Variants in CLTC observed in about 807,000 individuals in gnomAD.
CLTC encodes the protein clathrin heavy chain.
Under a neutral mutation model 195.8 loss-of-function variants are expected in CLTC, and 16 were observed. That is an observed-to-expected ratio of 0.08 (90% CI 0.06 to 0.12). The LOEUF is 0.12. Among genes scored for constraint, CLTC ranks in the 10% least tolerant of loss-of-function variants. The pLI, the probability that CLTC is intolerant of heterozygous loss-of-function variation, is 1.00. For missense variants in CLTC, 796 were observed against 2,027.0 expected (o/e 0.39, Z 11.66); for synonymous variants, 667 against 689.4 (o/e 0.97, Z 0.51).
chr17:59,627,082 G>A (rs1444247796), intron 1 of CLTC, among the ~76,000 whole-genome samples: 2 of 149,162 alleles, frequency 1.3e-5, no homozygotes, highest in East Asian at 4.0e-4. Context: ...TATTTTTTTT[G>A]TAGAGTCGGG....
At chr17:59,638,586 A>T (rs1360705898) in intron 1 of CLTC, among the ~76,000 whole-genome samples, 1 of 152,090 alleles carries the variant, frequency 6.6e-6, no homozygotes, top group Non-Finnish European at 1.5e-5. Flanking sequence ...ATGGTCTCAG[A>T]TGAAATTGTT....
chr17:59,630,714 T>TTA (rs1219874790), intron 1 of CLTC, among the ~76,000 whole-genome samples: 2 of 152,270 alleles, frequency 1.3e-5, no homozygotes, highest in African/African-American at 4.8e-5. Flanking sequence ...AGCATCCATG[T>TTA]TATAGCATAT....
chr17:59,625,233 C>T (rs549980799), intron 1 of CLTC, among the ~76,000 whole-genome samples: 8 of 151,956 alleles, frequency 5.3e-5, no homozygotes, highest in African/African-American at 9.7e-5. Flanking sequence ...CTCTGCCTCC[C>T]GAGTCGCTGG....
chr17:59,679,853 G>A (rs940661406), intron 18 of CLTC, among the ~76,000 whole-genome samples: 1 of 152,036 alleles, frequency 6.6e-6, no homozygotes, highest in African/African-American at 2.4e-5. Flanking sequence ...TGGATCACCT[G>A]AAGTCAGGAG....
intron 1 of CLTC, among the ~76,000 whole-genome samples, chr17:59,641,774 G>A (rs1008091952): frequency 2.0e-5 from 3 of 152,064 alleles, no homozygotes; most frequent in Non-Finnish European, 4.4e-5. Flanking sequence ...TATGTTTAAT[G>A]AGAAAGTAAT....
rs918508063 is a variant in CLTC, at chr17:59,690,850, T to C, written c.4903+139T>C. ...AATACTGCTCTCTACTGTCTGATTT[T>C]TTTTCTGAGAAGTCATAAAGCAGGT... On this transcript the variant is annotated intron_variant, in intron 31 of 31. Transcript: ENST00000269122. The C allele has an allele frequency of 5.6e-6, 3 of 537,104 alleles. No individual in the cohort carries two copies. The Admixed American group carries it at 1.1e-4, about 20-fold the overall frequency. The allele number at this position is 537,104 out of a possible 1,614,324, so 33.3% of individuals were successfully genotyped here. A position where few individuals can be genotyped will look rare whatever the true frequency, so the allele number is the denominator to read the frequency against.
intron 17 of CLTC, among the ~76,000 whole-genome samples, chr17:59,678,978 T>C (rs2033025439): frequency 6.6e-6 from 1 of 152,166 alleles, no homozygotes. Context: ...CTCTCCAACC[T>C]TGACAACAGA....
chr17:59,658,775 C>T (rs2032538276), intron 6 of CLTC: 1 of 152,178 alleles, frequency 6.6e-6, no homozygotes, highest in Non-Finnish European at 1.5e-5. Flanking sequence ...AACGATAAAA[C>T]TGTGGATTCA....
chr17:59,689,950 G>A (rs2033261719), intron 30 of CLTC: 1 of 152,188 alleles, frequency 6.6e-6, no homozygotes, highest in South Asian at 2.1e-4. Flanking sequence ...ACTTCTGTCT[G>A]ATACTATCCA....
chr17:59,693,932 A>G lies in CLTC; in HGVS notation c.*80A>G. 1 of 1,397,604 alleles carries G rather than the reference A, an allele frequency of 7.2e-7. No homozygotes were observed. The highest frequency in any genetic ancestry group is 9.5e-7 in the Non-Finnish European group (1 of 1,054,922). 86.6% of individuals were successfully genotyped at this position (1,397,604 alleles called of 1,614,324 possible). On this transcript the variant is annotated 3_prime_UTR_variant, in exon 32 of 32. Coordinates refer to ENST00000269122, the MANE Select transcript of CLTC (RefSeq NM_004859.4). ...CCACTTCTCAGTTTATAATGGGGGAAAACAGGCAACGTGTTCTTGTAACCT... is the reference window on the plus strand; with the variant it reads ...CCACTTCTCAGTTTATAATGGGGGAGAACAGGCAACGTGTTCTTGTAACCT...
intron 1 of CLTC, among the ~76,000 whole-genome samples, chr17:59,643,501 TC>T (rs2032103451): frequency 6.6e-6 from 1 of 152,178 alleles, no homozygotes; most frequent in African/African-American, 2.4e-5. Context: ...CTTAAGTAGC[TC>T]CCTTCGCCTG....
chr17:59,628,669 C>T (rs1378824644), intron 1 of CLTC, among the ~76,000 whole-genome samples: 1 of 152,038 alleles, frequency 6.6e-6, no homozygotes, highest in Non-Finnish European at 1.5e-5. Context: ...GACGAAAAAA[C>T]GAGAATTGGA....
At chr17:59,690,259 T>G (rs2033267724) in intron 30 of CLTC, 1 of 166,072 alleles carries the variant, frequency 6.0e-6, no homozygotes, top group South Asian at 1.9e-4. Flanking sequence ...TGAATACCAT[T>G]TGCTTTGGGG....
At chr17:59,655,250 G>C (rs2032436923) in intron 5 of CLTC, among the ~76,000 whole-genome samples, 1 of 152,184 alleles carries the variant, frequency 6.6e-6, no homozygotes, top group African/African-American at 2.4e-5. Context: ...TCAGGTAATA[G>C]GGAGGCCTGA....
chr17:59,666,042 AT>A lies in CLTC; in HGVS notation c.1645-57del. Reference sequence around the variant, plus strand: ...CAGGTAAAGAAAGAGTTCATGCATAATTTTGTCTACATACTCTCCATAGTAT... The same window carrying A: ...CAGGTAAAGAAAGAGTTCATGCATAATTTGTCTACATACTCTCCATAGTAT... On this transcript the variant is annotated intron_variant, in intron 10 of 31. Coordinates refer to ENST00000269122, the MANE Select transcript of CLTC (RefSeq NM_004859.4). This position sits in a 1 kb window ranked among gnomAD's most constrained non-coding sequence, Gnocchi z 4.9. 1.6e-6 allele frequency: 2 copies of A among 1,277,794 alleles called. No homozygotes were observed. Among genetic ancestry groups the A allele is most frequent in the Non-Finnish European group, 2.2e-6 (2 of 910,314 alleles). 79.2% of individuals were successfully genotyped at this position (1,277,794 alleles called of 1,614,324 possible).
At chr17:59,672,068 A>C (rs1411017038) in intron 14 of CLTC, among the ~76,000 whole-genome samples, 1 of 152,194 alleles carries the variant, frequency 6.6e-6, no homozygotes, top group African/African-American at 2.4e-5. Flanking sequence ...TTAAATGAAC[A>C]AATTTATGTT....
At chr17:59,623,556 G>A (rs1247601858) in intron 1 of CLTC, among the ~76,000 whole-genome samples, 1 of 152,158 alleles carries the variant, frequency 6.6e-6, no homozygotes, top group Admixed American at 6.5e-5. Context: ...AGGAACCATG[G>A]TAGTTGCTCT....
rs576541975 is a variant in CLTC, at chr17:59,666,465, T to C, written c.1783-15T>C. The C allele has an allele frequency of 1.4e-5, 22 of 1,609,360 alleles. No individual in the cohort carries two copies. The South Asian group carries it at 2.3e-4, about 17-fold the overall frequency. ...TGGAGTGGACAATAAACTTGCCTTG[T>C]TTGTGGTTTTACAGGTTGCAGATGC... On this transcript the variant is annotated splice_polypyrimidine_tract_variant and intron_variant, in intron 11 of 31. Transcript: ENST00000269122. The surrounding 1 kb of genome is among the most constrained non-coding windows in gnomAD (Gnocchi z 4.9).
chr17:59,661,366 G>T, intron 7 of CLTC, 77 bp from the exon 8 acceptor site: 2 of 1,133,720 alleles, frequency 1.8e-6, no homozygotes, highest in African/African-American at 1.5e-5. Flanking sequence ...TGTGATGTTT[G>T]GATCACTTTC....
Sources: gnomAD v4.1 joint callset for allele counts (sites outside exome capture counted in the v4.1 genomes callset) on GRCh38, gnomAD v4.1.1 for gene constraint, Gnocchi (gnomAD v3.1) non-coding constraint, MANE v1.5 for transcripts, NCBI Gene and HGNC (gene_info 2026-07-23, HGNC 2026-07-21) for gene names.